Variants in CNTNAP5 observed in about 807,000 individuals in gnomAD.
The protein encoded by CNTNAP5 is contactin-associated protein-like 5.
A neutral mutation model predicts 150.2 loss-of-function variants in CNTNAP5; 72 were observed. That is an observed-to-expected ratio of 0.48 (90% CI 0.40 to 0.58). The LOEUF (loss-of-function observed/expected upper bound fraction) is 0.58. CNTNAP5 is among the 20% of genes least tolerant of loss of function. The pLI is 0.00. For synonymous variants in CNTNAP5, 672 were observed against 619.8 expected (o/e 1.08, Z -1.25); for missense variants, 1,636 against 1,626.2 (o/e 1.01, Z -0.10).
intron 19 of CNTNAP5, among the ~76,000 whole-genome samples, chr2:124,846,348 C>T (rs111495780): frequency 6.6e-6 from 1 of 152,042 alleles, no homozygotes. Context: ...GAAGATCTTT[C>T]TCCCGCTTGT....
intron 1 of CNTNAP5, among the ~76,000 whole-genome samples, chr2:124,159,180 C>G (rs1261149969): frequency 1.3e-5 from 2 of 152,148 alleles, no homozygotes; most frequent in Admixed American, 1.3e-4. Context: ...AAACATCTAA[C>G]ATAGTTGTTT....
intron 16 of CNTNAP5, among the ~76,000 whole-genome samples, chr2:124,764,939 C>A (rs1023350558): frequency 6.6e-6 from 1 of 152,064 alleles, no homozygotes; most frequent in African/African-American, 2.4e-5. Flanking sequence ...TGAGTCTCTA[C>A]TTCTCGAAAT....
intron 17 of CNTNAP5, among the ~76,000 whole-genome samples, chr2:124,776,077 G>A (rs904580028): frequency 5.1e-4 from 78 of 152,230 alleles, no homozygotes; most frequent in African/African-American, 1.7e-3. Flanking sequence ...TCTGCTATCT[G>A]CATGTACAAA....
At chr2:124,106,313 C>G (rs981077895) in intron 1 of CNTNAP5, among the ~76,000 whole-genome samples, 1 of 152,188 alleles carries the variant, frequency 6.6e-6, no homozygotes, top group South Asian at 2.1e-4. Flanking sequence ...CAACAAGTTA[C>G]TGGTGGCTGG....
At chr2:124,823,652 G>A (rs1400106637) in intron 19 of CNTNAP5, among the ~76,000 whole-genome samples, 1 of 152,158 alleles carries the variant, frequency 6.6e-6, no homozygotes, top group African/African-American at 2.4e-5. Context: ...CAGACCTATG[G>A]ATGAGTCACC....
chr2:124,121,399 T>G (rs1380258577), intron 1 of CNTNAP5, among the ~76,000 whole-genome samples: 2 of 152,210 alleles, frequency 1.3e-5, no homozygotes, highest in East Asian at 3.9e-4. Flanking sequence ...AGCATGCTTG[T>G]GTTCCTGAAA....
In CNTNAP5 at chr2:124,446,784, G is replaced by A; in HGVS notation, c.765G>A (p.Leu255=). The A allele has an allele frequency of 6.2e-7, 1 of 1,613,776 alleles. No individual in the cohort carries two copies. The highest frequency in any genetic ancestry group is 1.1e-5 in the South Asian group (1 of 91,070). ...GCAAAGCGCGGCTCAGCAGCAGCTT[G>A]CCCTCTGCCACCCTGGGCAGCCTCC... is the stretch of plus-strand genomic sequence containing the variant. The part of the protein sequence containing the change: ...GDSKARLSSS[L]PSATLGSLLD... Residue 255 remains leucine (L), a synonymous_variant, in exon 6 of 24, where the codon TTG becomes TTA. Transcript: ENST00000682447.
At chr2:124,688,275 TA>T (rs879416866) in intron 13 of CNTNAP5, among the ~76,000 whole-genome samples, 7 of 152,026 alleles carry the variant, frequency 4.6e-5, no homozygotes, top group Admixed American at 6.6e-5. Flanking sequence ...AAAGTTTTTT[TA>T]AAAAAACGAA....
intron 2 of CNTNAP5, among the ~76,000 whole-genome samples, chr2:124,237,127 CA>C (rs1553450341): frequency 6.6e-6 from 1 of 151,632 alleles, no homozygotes; most frequent in Non-Finnish European, 1.5e-5. Context: ...GAGACTCTGT[CA>C]AAAGAAAAAA....
chr2:124,039,055 T>G (rs1681297062), intron 1 of CNTNAP5, among the ~76,000 whole-genome samples: 1 of 152,238 alleles, frequency 6.6e-6, no homozygotes, highest in African/African-American at 2.4e-5. Context: ...AAATCTGATA[T>G]ATCTTGCTAC....
intron 19 of CNTNAP5, among the ~76,000 whole-genome samples, chr2:124,804,901 T>C (rs1682049121): frequency 1.3e-5 from 2 of 152,126 alleles, no homozygotes; most frequent in African/African-American, 4.8e-5. Flanking sequence ...TCCTTATTGG[T>C]AAAAGTAATA....
intron 3 of CNTNAP5, among the ~76,000 whole-genome samples, chr2:124,366,634 C>G (rs1260787571): frequency 6.6e-6 from 1 of 152,118 alleles, no homozygotes; most frequent in Non-Finnish European, 1.5e-5. Flanking sequence ...CCCAATTCTA[C>G]CCCTCCAGGT....
intron 1 of CNTNAP5, among the ~76,000 whole-genome samples, chr2:124,117,303 ATAT>A (rs1200746066): frequency 6.6e-6 from 1 of 152,152 alleles, no homozygotes; most frequent in Non-Finnish European, 1.5e-5. Context: ...ACTGTCTGAC[ATAT>A]TATATATCTT....
intron 13 of CNTNAP5, among the ~76,000 whole-genome samples, chr2:124,671,139 T>C (rs1221170608): frequency 6.6e-6 from 1 of 152,208 alleles, no homozygotes; most frequent in Non-Finnish European, 1.5e-5. Context: ...ACCTCAACTG[T>C]TACTTTATCA....
At chr2:124,681,316 A>G (rs1434016579) in intron 13 of CNTNAP5, among the ~76,000 whole-genome samples, 1 of 151,190 alleles carries the variant, frequency 6.6e-6, no homozygotes, top group Non-Finnish European at 1.5e-5. Flanking sequence ...AAAAAAAAAA[A>G]AAAAAGTTGA....
intron 13 of CNTNAP5, among the ~76,000 whole-genome samples, chr2:124,654,414 A>G (rs962590922): frequency 6.6e-6 from 1 of 152,086 alleles, no homozygotes; most frequent in Non-Finnish European, 1.5e-5. Context: ...ATGCCTAGTG[A>G]ACTGGAAAAA....
intron 1 of CNTNAP5, among the ~76,000 whole-genome samples, chr2:124,075,343 G>A (rs529860947): frequency 1.3e-5 from 2 of 152,094 alleles, no homozygotes; most frequent in South Asian, 2.1e-4. Flanking sequence ...CTGCACTTTC[G>A]ATGCCATGAA....
chr2:124,266,469 C>G (rs1687610270), intron 3 of CNTNAP5, among the ~76,000 whole-genome samples: 1 of 152,126 alleles, frequency 6.6e-6, no homozygotes, highest in Admixed American at 6.6e-5. Flanking sequence ...CAAAAAAAAG[C>G]TGAACAGCCC....
intron 22 of CNTNAP5, among the ~76,000 whole-genome samples, chr2:124,903,786 G>A (rs1263980427): frequency 6.6e-6 from 1 of 152,072 alleles, no homozygotes; most frequent in Non-Finnish European, 1.5e-5. Context: ...AGGTGTGGTG[G>A]CTTATGCCTG....
Sources: allele counts gnomAD v4.1 joint callset (sites outside exome capture counted in the v4.1 genomes callset), GRCh38; gene constraint gnomAD v4.1.1; transcripts MANE v1.5; gene names NCBI Gene and HGNC (gene_info 2026-07-23, HGNC 2026-07-21).